Variants in KCNIP4 observed in about 807,000 individuals in gnomAD.
KCNIP4 encodes Kv channel-interacting protein 4.
KCNIP4 carries 12 observed loss-of-function variants against 34.0 expected under a neutral mutation model. The observed-to-expected ratio is 0.35, with a 90% CI of 0.23 to 0.57. The LOEUF (loss-of-function observed/expected upper bound fraction) is 0.57, where lower values mean the gene tolerates loss of function less well. KCNIP4 is among the 20% of genes least tolerant of loss of function. The probability of loss-of-function intolerance (pLI) is 0.83; values close to 1 mark genes in which losing one functional copy is unlikely to be tolerated. For synonymous variants in KCNIP4, 124 were observed against 102.2 expected (o/e 1.21, Z -1.29); for missense variants, 238 against 311.7 (o/e 0.76, Z 1.78).
intron 1 of KCNIP4, among the ~76,000 whole-genome samples, chr4:21,904,438 G>A (rs1727879816): frequency 2.0e-5 from 3 of 152,180 alleles, no homozygotes; most frequent in South Asian, 2.1e-4. Flanking sequence ...ATACTTAGCA[G>A]ACATTAGCTG....
At chr4:21,858,483 C>T (rs1473322660) in intron 1 of KCNIP4, among the ~76,000 whole-genome samples, 3 of 152,188 alleles carry the variant, frequency 2.0e-5, no homozygotes, top group African/African-American at 7.2e-5. Context: ...TAGCTTAAAA[C>T]TCTAGTGGCC....
intron 1 of KCNIP4, among the ~76,000 whole-genome samples, chr4:21,563,970 T>C (rs893571212): frequency 1.3e-5 from 2 of 152,146 alleles, no homozygotes; most frequent in African/African-American, 4.8e-5. Context: ...AGATCTTGAA[T>C]AATCATATAC....
chr4:21,205,200 A>T (rs1463002371), intron 1 of KCNIP4, among the ~76,000 whole-genome samples: 1 of 152,190 alleles, frequency 6.6e-6, no homozygotes, highest in Non-Finnish European at 1.5e-5. Flanking sequence ...CTTAGCAAAC[A>T]TCCATTTAAT....
chr4:21,941,002 A>C (rs1271018161), intron 1 of KCNIP4, among the ~76,000 whole-genome samples: 1 of 152,142 alleles, frequency 6.6e-6, no homozygotes, highest in African/African-American at 2.4e-5. Context: ...CCATATGCAA[A>C]GCATGGATAA....
intron 1 of KCNIP4, among the ~76,000 whole-genome samples, chr4:20,976,948 C>T (rs1373599331): frequency 2.0e-5 from 3 of 152,080 alleles, no homozygotes; most frequent in Admixed American, 1.3e-4. Flanking sequence ...ATTCTCCCAC[C>T]TCAGCCTCCC....
intron 1 of KCNIP4, among the ~76,000 whole-genome samples, chr4:21,868,048 G>T (rs928078816): frequency 6.6e-6 from 1 of 152,146 alleles, no homozygotes; most frequent in Non-Finnish European, 1.5e-5. Flanking sequence ...TGCCGACCTA[G>T]AAGTCTTGCT....
chr4:21,137,871 C>CTTTTTT (rs144440285), intron 1 of KCNIP4, among the ~76,000 whole-genome samples: 5,037 of 116,668 alleles, frequency 0.043, 555 homozygotes, highest in African/African-American at 0.089. Flanking sequence ...CTTACACAGG[C>CTTTTTT]TTTTTTGTTT....
chr4:21,295,106 C>T (rs1256664730), intron 1 of KCNIP4, among the ~76,000 whole-genome samples: 3 of 152,146 alleles, frequency 2.0e-5, no homozygotes, highest in Non-Finnish European at 4.4e-5. Flanking sequence ...TATATCCCAG[C>T]TTGTTGAAGC....
chr4:21,691,613 C>T (rs1049023616), intron 1 of KCNIP4, among the ~76,000 whole-genome samples: 18 of 150,996 alleles, frequency 1.2e-4, no homozygotes, highest in Non-Finnish European at 7.4e-5. Flanking sequence ...AGTACTTAAA[C>T]GAGGCACTGA....
intron 1 of KCNIP4, among the ~76,000 whole-genome samples, chr4:21,707,981 C>A (rs1643696596): frequency 6.7e-6 from 1 of 150,360 alleles, no homozygotes; most frequent in South Asian, 2.1e-4. Context: ...ATAATGTCAG[C>A]TAATATACAT....
chr4:21,353,124 C>T (rs1718187943), intron 1 of KCNIP4, among the ~76,000 whole-genome samples: 1 of 152,074 alleles, frequency 6.6e-6, no homozygotes, highest in Non-Finnish European at 1.5e-5. Flanking sequence ...GGACATCCAA[C>T]CAAAACCCCA....
intron 1 of KCNIP4, among the ~76,000 whole-genome samples, chr4:21,497,775 A>C (rs1732971177): frequency 6.6e-6 from 1 of 152,144 alleles, no homozygotes; most frequent in African/African-American, 2.4e-5. Flanking sequence ...TACTTATATA[A>C]ATTTATTTTA....
At chr4:21,301,688 T>G (rs1229495656) in intron 1 of KCNIP4, among the ~76,000 whole-genome samples, 1 of 152,172 alleles carries the variant, frequency 6.6e-6, no homozygotes, top group Non-Finnish European at 1.5e-5. Flanking sequence ...ATAATAAACA[T>G]TGCTTATCCT....
intron 1 of KCNIP4, among the ~76,000 whole-genome samples, chr4:21,916,995 G>C (rs999726863): frequency 2.0e-5 from 3 of 152,170 alleles, no homozygotes; most frequent in African/African-American, 7.2e-5. Context: ...CAATAGCATG[G>C]ATGCAACAGA....
chr4:21,310,251 G>A (rs748965244), intron 1 of KCNIP4, among the ~76,000 whole-genome samples: 5 of 152,038 alleles, frequency 3.3e-5, no homozygotes, highest in Non-Finnish European at 7.4e-5. Flanking sequence ...GGCTAGGCTG[G>A]TCTTGAACTC....
intron 1 of KCNIP4, among the ~76,000 whole-genome samples, chr4:21,307,774 C>T (rs2109263278): frequency 6.6e-6 from 1 of 152,222 alleles, no homozygotes; most frequent in Non-Finnish European, 1.5e-5. Flanking sequence ...TTTAGGAAGT[C>T]CTATTCCTAC....
intron 1 of KCNIP4, among the ~76,000 whole-genome samples, chr4:21,061,157 T>G (rs925165629): frequency 6.6e-6 from 1 of 152,296 alleles, no homozygotes; most frequent in Non-Finnish European, 1.5e-5. Flanking sequence ...CCCCATTCTC[T>G]TAAAGATTAA....
At chr4:21,611,615 C>T (rs928719945) in intron 1 of KCNIP4, among the ~76,000 whole-genome samples, 2 of 152,022 alleles carry the variant, frequency 1.3e-5, no homozygotes, top group Admixed American at 1.3e-4. Context: ...CACTCTATCT[C>T]TTCACCTGGT....
intron 1 of KCNIP4, among the ~76,000 whole-genome samples, chr4:21,937,188 G>T (rs1364356025): frequency 6.6e-6 from 1 of 151,950 alleles, no homozygotes; most frequent in East Asian, 1.9e-4. Flanking sequence ...CTGCCTTTGG[G>T]ACAGTTTGAC....
Sources: allele counts gnomAD v4.1 joint callset (sites outside exome capture counted in the v4.1 genomes callset), GRCh38; gene constraint gnomAD v4.1.1; transcripts MANE v1.5; gene names NCBI Gene and HGNC (gene_info 2026-07-23, HGNC 2026-07-21).